The following CIB4 variants were observed in gnomAD, a reference collection of about 807,000 sequenced individuals.
The protein encoded by CIB4 is calcium and integrin binding family member 4.
A neutral mutation model predicts 25.8 loss-of-function variants in CIB4; 25 were observed. That is an observed-to-expected ratio of 0.97 (90% CI 0.71 to 1.35). The LOEUF is 1.35. CIB4 is among the 40% of genes most tolerant of loss of function. The pLI, the probability that CIB4 is intolerant of heterozygous loss-of-function variation, is 0.00. For synonymous variants in CIB4, 75 were observed against 81.4 expected (o/e 0.92, Z 0.42); for missense variants, 235 against 228.2 (o/e 1.03, Z -0.19).
intron 2 of CIB4, among the ~76,000 whole-genome samples, chr2:26,637,998 A>G (rs1327141306): frequency 6.6e-6 from 1 of 151,958 alleles, no homozygotes; most frequent in Non-Finnish European, 1.5e-5. Context: ...GGCGTCCCCA[A>G]CCCCACCACC....
intron 3 of CIB4, among the ~76,000 whole-genome samples, chr2:26,624,339 T>A (rs1572567175): frequency 6.6e-6 from 1 of 152,082 alleles, no homozygotes; most frequent in East Asian, 1.9e-4. Flanking sequence ...GGCCCCCACC[T>A]CCCAGCAAGC....
intron 1 of CIB4, among the ~76,000 whole-genome samples, chr2:26,641,017 A>G (rs1281613365): frequency 6.6e-6 from 1 of 152,146 alleles, no homozygotes; most frequent in Non-Finnish European, 1.5e-5. Flanking sequence ...GTCCCAACAC[A>G]TATTTGTAAA....
chr2:26,608,946 C>T lies in CIB4; in HGVS notation c.187-13629G>A, dbSNP rs143716256. ...GAGATGAGCTGTCTCTCCTGCAAGCCTGTCCTTTAACTGGCTTCCCTCTTC... is the reference window on the plus strand; with the variant it reads ...GAGATGAGCTGTCTCTCCTGCAAGCTTGTCCTTTAACTGGCTTCCCTCTTC... On this transcript the variant is annotated intron_variant, in intron 3 of 6. Coordinates refer to ENST00000288861, the MANE Select transcript of CIB4 (RefSeq NM_001029881.3). 4.5e-3 allele frequency among the ~76,000 whole-genome samples: 683 copies of T among 152,328 alleles called. 1 individual carries two copies. The highest frequency in any genetic ancestry group is 0.017 in the Middle Eastern group (5 of 294).
At position 26,596,455 on chromosome 2, in the gene CIB4, A is replaced by C. The variant is rs533220789; in HGVS notation, c.187-1138T>G. Among the ~76,000 whole-genome samples, 3 of 152,292 alleles carry C rather than the reference A, an allele frequency of 2.0e-5. No individual in the cohort carries two copies. The East Asian group carries it at 5.8e-4, about 29-fold the overall frequency. On this transcript the variant is annotated intron_variant, in intron 3 of 6. Coordinates refer to ENST00000288861, the MANE Select transcript of CIB4 (RefSeq NM_001029881.3). ...TTTTAAAAAAGAGTTAAAATATAGT[A>C]AAACTTGGCCAGGCACGGTGGCTCA...
intron 3 of CIB4, among the ~76,000 whole-genome samples, chr2:26,614,828 C>T (rs547409224): frequency 2.5e-4 from 38 of 152,336 alleles, no homozygotes; most frequent in African/African-American, 8.9e-4. Context: ...GCTGAGGCTC[C>T]GGGAAGTGGA....
intron 3 of CIB4, among the ~76,000 whole-genome samples, chr2:26,616,525 G>T (rs1409541657): frequency 2.6e-5 from 4 of 152,166 alleles, no homozygotes; most frequent in African/African-American, 9.7e-5. Flanking sequence ...GGGGACTTGG[G>T]AATCAGACAA....
intron 4 of CIB4, among the ~76,000 whole-genome samples, chr2:26,588,217 G>A (rs528055381): frequency 3.3e-5 from 5 of 152,380 alleles, no homozygotes; most frequent in South Asian, 2.1e-4. Context: ...GTCCCCAGGC[G>A]TCCTGCTGGC....
At chr2:26,589,060 C>CT (rs762556634) in intron 4 of CIB4, among the ~76,000 whole-genome samples, 1,081 of 36,216 alleles carry the variant, frequency 0.03, 20 homozygotes, top group East Asian at 0.092. Flanking sequence ...CTTCTTCTTC[C>CT]TCTTCCTCTT....
chr2:26,601,257 T>C (rs1315839561), intron 3 of CIB4, among the ~76,000 whole-genome samples: 1 of 138,550 alleles, frequency 7.2e-6, no homozygotes, highest in Admixed American at 7.3e-5. Context: ...TATATATATA[T>C]ATATATATAT....
chr2:26,608,423 T>C (rs1260584577), intron 3 of CIB4, among the ~76,000 whole-genome samples: 1 of 152,164 alleles, frequency 6.6e-6, no homozygotes, highest in Non-Finnish European at 1.5e-5. Context: ...TCAGATGCCT[T>C]AACCCTAGCA....
chr2:26,618,378 C>T (rs942273820), intron 3 of CIB4, among the ~76,000 whole-genome samples: 23 of 152,194 alleles, frequency 1.5e-4, no homozygotes, highest in African/African-American at 4.8e-4. Context: ...CTCAACCTCC[C>T]GGCCTCAAGC....
At chr2:26,633,050 A>G in intron 2 of CIB4, among the ~76,000 whole-genome samples, 1 of 152,140 alleles carries the variant, frequency 6.6e-6, no homozygotes, top group Admixed American at 6.5e-5. Flanking sequence ...GTTTCATGCC[A>G]GTCTTGCAAG....
chr2:26,606,144 G>A (rs1263720793), intron 3 of CIB4, among the ~76,000 whole-genome samples: 4 of 152,220 alleles, frequency 2.6e-5, no homozygotes, highest in Non-Finnish European at 5.9e-5. Context: ...ATCAGGGTGA[G>A]GTACTGAGCA....
intron 3 of CIB4, among the ~76,000 whole-genome samples, chr2:26,623,855 G>A (rs1289547813): frequency 1.3e-5 from 2 of 152,178 alleles, no homozygotes; most frequent in Non-Finnish European, 2.9e-5. Context: ...ACAGCTCTGG[G>A]CTCGGAAACT....
intron 3 of CIB4, among the ~76,000 whole-genome samples, chr2:26,602,966 G>A (rs116625040): frequency 0.012 from 1,690 of 146,414 alleles, 39 homozygotes; most frequent in African/African-American, 0.041. Context: ...AAAAGGGGAA[G>A]ATCACTTGAG....
At chr2:26,581,464 G>A (rs1333452599) in intron 6 of CIB4, 71 bp from the exon 7 acceptor site, 1 of 1,490,804 alleles carries the variant, frequency 6.7e-7, no homozygotes, top group Non-Finnish European at 9.3e-7. Context: ...TGGGTTCACA[G>A]TAGTCCTGGA....
chr2:26,610,588 T>C (rs1434724535), intron 3 of CIB4, among the ~76,000 whole-genome samples: 2 of 152,230 alleles, frequency 1.3e-5, no homozygotes, highest in African/African-American at 4.8e-5. Flanking sequence ...CAGCCAGCCA[T>C]GATTTACCTT....
intron 4 of CIB4, among the ~76,000 whole-genome samples, chr2:26,586,595 G>C (rs1260236646): frequency 6.6e-6 from 1 of 152,206 alleles, no homozygotes; most frequent in Non-Finnish European, 1.5e-5. Context: ...GCCTGGGACA[G>C]AGTAGACGCT....
At chr2:26,618,508 C>T (rs1669138858) in intron 3 of CIB4, among the ~76,000 whole-genome samples, 1 of 152,130 alleles carries the variant, frequency 6.6e-6, no homozygotes, top group African/African-American at 2.4e-5. Context: ...AGATCAAGAC[C>T]AGGCTGGTCT....
Sources: allele counts gnomAD v4.1 joint callset (sites outside exome capture counted in the v4.1 genomes callset), GRCh38; gene constraint gnomAD v4.1.1; transcripts MANE v1.5; gene names NCBI Gene and HGNC (gene_info 2026-07-23, HGNC 2026-07-21).